Variants in ARVCF observed in about 807,000 individuals in gnomAD.
ARVCF encodes splicing regulator ARVCF.
Under a neutral mutation model 90.9 loss-of-function variants are expected in ARVCF, and 66 were observed. The ratio of observed to expected loss-of-function variants is 0.73; its 90% CI spans 0.60 to 0.89. The LOEUF is 0.89. ARVCF is among the 40% of genes least tolerant of loss of function. The pLI, the probability that ARVCF is intolerant of heterozygous loss-of-function variation, is 0.00. For synonymous variants in ARVCF, 653 were observed against 603.4 expected, an observed-to-expected ratio of 1.08 and a Z score of -1.21; for missense variants, 1,469 against 1,382.3, an observed-to-expected ratio of 1.06 and a Z score of -1.00.
chr22:19,978,888 G>C lies in ARVCF; in HGVS notation c.1580+9C>G. The stretch of plus-strand genomic sequence containing the variant: ...GCATGTGGGCTTTAGCACCAGGTCT[G>C]GTCCACACCTCAGGCAGCCCGACGT... On this transcript the variant is annotated intron_variant, in intron 7 of 19. Coordinates refer to ENST00000263207, the MANE Select transcript of ARVCF (RefSeq NM_001670.3). The C allele has an allele frequency of 6.2e-7, 1 of 1,606,258 alleles. No individual in the cohort carries two copies. Among genetic ancestry groups the C allele is most frequent in the Non-Finnish European group, 8.5e-7 (1 of 1,175,314 alleles).
chr22:19,982,675 G>A (rs911567341), intron 3 of ARVCF, among the ~76,000 whole-genome samples: 2 of 152,186 alleles, frequency 1.3e-5, no homozygotes, highest in South Asian at 2.1e-4. Flanking sequence ...GCCCTCAAGG[G>A]ACAGAAATAC....
downstream of ARVCF, among the ~76,000 whole-genome samples, chr22:19,967,898 C>A (rs1045276465): frequency 2.6e-5 from 4 of 152,276 alleles, no homozygotes; most frequent in Non-Finnish European, 5.9e-5. Context: ...GTGGACCCCA[C>A]GGGCCATGCC....
At chr22:20,008,436 C>T (rs1344013646) in intron 2 of ARVCF, among the ~76,000 whole-genome samples, 1 of 152,236 alleles carries the variant, frequency 6.6e-6, no homozygotes, top group African/African-American at 2.4e-5. Flanking sequence ...CCATGCTACT[C>T]ATCACCATCT....
chr22:19,997,875 G>A (rs1031155320), intron 2 of ARVCF, among the ~76,000 whole-genome samples: 2 of 152,234 alleles, frequency 1.3e-5, no homozygotes, highest in Non-Finnish European at 2.9e-5. Flanking sequence ...TTACCGGGAC[G>A]GGCACCCACC....
chr22:20,006,300 A>G (rs1467688894), intron 2 of ARVCF, among the ~76,000 whole-genome samples: 1 of 150,634 alleles, frequency 6.6e-6, no homozygotes, highest in East Asian at 2.0e-4. Context: ...CTCCCTGGCC[A>G]GGCGTGGTGG....
chr22:19,979,226 CG>C, intron 6 of ARVCF, 146 bp from the exon 7 acceptor site: 1 of 872,532 alleles, frequency 1.1e-6, no homozygotes, highest in Non-Finnish European at 1.7e-6. Flanking sequence ...TGAGTGGTTC[CG>C]GGGGACACCC....
At chr22:19,968,514 C>T, downstream of ARVCF, 1 of 1,610,704 alleles carries the variant, frequency 6.2e-7, no homozygotes, top group Non-Finnish European at 8.5e-7. Flanking sequence ...CTCACCTCCC[C>T]CACCCCCCGG....
downstream of ARVCF, chr22:19,966,980 C>T: frequency 2.0e-6 from 2 of 985,422 alleles, no homozygotes; most frequent in Non-Finnish European, 2.4e-6. Flanking sequence ...GCATGTTTAG[C>T]CAGTTCTCCA....
rs140093607 is a variant in ARVCF, at chr22:19,978,467, G to A, written c.1581-392C>T. Among the ~76,000 whole-genome samples the A allele has an allele frequency of 5.4e-3, 828 of 152,310 alleles. 10 individuals carry two copies. Among genetic ancestry groups the A allele is most frequent in the African/African-American group, 0.018 (763 of 41,574 alleles). On this transcript the variant is annotated intron_variant, in intron 7 of 19. Transcript: ENST00000263207. ...CCCAAGGTCAAGAGCCTGCAGGGCT[G>A]CGCGGGAACACCCTGATGGACAAGC...
intron 2 of ARVCF, among the ~76,000 whole-genome samples, chr22:19,998,188 C>T (rs912147737): frequency 1.3e-5 from 2 of 152,232 alleles, no homozygotes; most frequent in Non-Finnish European, 2.9e-5. Flanking sequence ...GCAGCAGTCA[C>T]CACGCTGGCC....
At chr22:19,998,934 C>G (rs1008044760) in intron 2 of ARVCF, among the ~76,000 whole-genome samples, 2 of 152,222 alleles carry the variant, frequency 1.3e-5, no homozygotes, top group Non-Finnish European at 2.9e-5. Flanking sequence ...GGAAATGTCA[C>G]TGGCCTTGCT....
intron 1 of ARVCF, among the ~76,000 whole-genome samples, chr22:20,012,533 C>T (rs1337770404): frequency 6.6e-6 from 1 of 152,244 alleles, no homozygotes; most frequent in East Asian, 1.9e-4. Flanking sequence ...TCTGCAAGCT[C>T]TGGGGTCACC....
chr22:19,977,390 T>C (rs780739794), intron 9 of ARVCF, 25 bp downstream of exon 9: 2 of 1,492,964 alleles, frequency 1.3e-6, no homozygotes, highest in Admixed American at 2.3e-5. Flanking sequence ...ATGGTAGAGA[T>C]GATACCCCAG....
chr22:20,011,054 CCTGGCCCTGGAG>C (rs1242516981), intron 1 of ARVCF, among the ~76,000 whole-genome samples: 3 of 152,244 alleles, frequency 2.0e-5, no homozygotes, highest in Non-Finnish European at 4.4e-5. Context: ...CAGGCAGGTT[CCTGGCCCTGGAG>C]CTGTGGCCAG....
intron 1 of ARVCF, among the ~76,000 whole-genome samples, chr22:20,014,926 C>T (rs1362766276): frequency 6.6e-6 from 1 of 152,140 alleles, no homozygotes; most frequent in Non-Finnish European, 1.5e-5. Flanking sequence ...GGGTGCTACC[C>T]TACCCTCACA....
intron 2 of ARVCF, among the ~76,000 whole-genome samples, chr22:20,007,048 G>C (rs1335097779): frequency 1.3e-5 from 2 of 152,046 alleles, no homozygotes; most frequent in Non-Finnish European, 2.9e-5. Context: ...GGGCCCAGAA[G>C]TTCGAGACCA....
At chr22:19,987,679 G>C (rs1943868713) in intron 3 of ARVCF, among the ~76,000 whole-genome samples, 3 of 152,040 alleles carry the variant, frequency 2.0e-5, no homozygotes, top group Admixed American at 2.0e-4. Flanking sequence ...TCACGGCTCT[G>C]TGAGATCTCT....
intron 10 of ARVCF, 66 bp downstream of exon 10, chr22:19,976,640 G>A (rs1943168407): frequency 6.5e-7 from 1 of 1,537,156 alleles, no homozygotes; most frequent in Middle Eastern, 1.8e-4. Context: ...GCTGGAACGT[G>A]CTCGCCTCTT....
chr22:19,972,952 T>C lies in ARVCF; in HGVS notation c.2523A>G (p.Lys841=). The change falls in exon 15 of 20, where the codon AAA becomes AAG. Residue 841 remains lysine (K), a synonymous_variant. Coordinates refer to ENST00000263207, the MANE Select transcript of ARVCF (RefSeq NM_001670.3). ...SYKELRGTLQ[K]DGWTKARFQS... ...GGAAGCGCGCCTTGGTCCAACCATCTTTCTGCAAGGTACCACGCAGCTCCT... is the reference window on the plus strand; with the variant it reads ...GGAAGCGCGCCTTGGTCCAACCATCCTTCTGCAAGGTACCACGCAGCTCCT... 3 of 1,613,828 alleles carry C rather than the reference T, an allele frequency of 1.9e-6. No individual in the cohort carries two copies. Among genetic ancestry groups the C allele is most frequent in the Admixed American group, 1.7e-5 (1 of 60,026 alleles).
Sources: gnomAD v4.1 joint callset for allele counts (sites outside exome capture counted in the v4.1 genomes callset) on GRCh38, gnomAD v4.1.1 for gene constraint, MANE v1.5 for transcripts, NCBI Gene and HGNC (gene_info 2026-07-23, HGNC 2026-07-21) for gene names.